Variants in CDC45 observed in about 807,000 individuals in gnomAD.
The protein encoded by CDC45 is cell division control protein 45 homolog.
A neutral mutation model predicts 77.8 loss-of-function variants in CDC45; 54 were observed. That is an observed-to-expected ratio of 0.69 (90% confidence interval 0.56 to 0.87). The LOEUF (loss-of-function observed/expected upper bound fraction) is 0.87. Ranked by LOEUF, CDC45 falls within the 40% of genes least tolerant of loss-of-function variation. The pLI, the probability that CDC45 is intolerant of heterozygous loss-of-function variation, is 0.00. For missense variants in CDC45, 649 were observed against 721.6 expected, an observed-to-expected ratio of 0.90 and a Z score of 1.15; for synonymous variants, 260 against 272.1, an observed-to-expected ratio of 0.96 and a Z score of 0.44.
At chr22:19,512,395 C>G (rs998416229) in intron 13 of CDC45, among the ~76,000 whole-genome samples, 2 of 152,224 alleles carry the variant, frequency 1.3e-5, no homozygotes, top group Non-Finnish European at 2.9e-5. Context: ...GTATACCTGT[C>G]TGGCTGTTCA....
At chr22:19,512,508 T>G (rs915976826) in intron 13 of CDC45, among the ~76,000 whole-genome samples, 22 of 152,174 alleles carry the variant, frequency 1.4e-4, no homozygotes, top group Non-Finnish European at 2.6e-4. Context: ...GCAATCTAGT[T>G]GCTCTACTTT....
chr22:19,499,763 A>G (rs975872196), intron 9 of CDC45, among the ~76,000 whole-genome samples: 2 of 152,254 alleles, frequency 1.3e-5, no homozygotes, highest in South Asian at 4.1e-4. Context: ...AAGTGGCCCA[A>G]CCTTCTCTAG....
intron 5 of CDC45, among the ~76,000 whole-genome samples, chr22:19,485,917 A>C (rs1348751671): frequency 6.6e-6 from 1 of 152,260 alleles, no homozygotes; most frequent in Non-Finnish European, 1.5e-5. Context: ...TCTCAAAAAA[A>C]ACAAAAACAG....
At chr22:19,492,502 A>G (rs1428436728) in intron 5 of CDC45, among the ~76,000 whole-genome samples, 1 of 151,436 alleles carries the variant, frequency 6.6e-6, no homozygotes, top group African/African-American at 2.4e-5. Context: ...CCCGGCTTTC[A>G]TTTGTTTCAA....
In CDC45 at chr22:19,503,871, C is replaced by T. The variant is rs368630443; in HGVS notation, c.705-1491C>T. 8.7e-4 allele frequency among the ~76,000 whole-genome samples: 132 copies of T among 152,328 alleles called. 2 individuals carry two copies. In the South Asian group the frequency reaches 0.027, roughly 31 times the overall value. ...AGAGGAGAAAAGGGTGCTGGTTGCA[C>T]GGAGAAAACTTACCTAAGATGCCTT... On this transcript the variant is annotated intron_variant, in intron 9 of 18. Coordinates refer to ENST00000263201, the MANE Select transcript of CDC45 (RefSeq NM_003504.5).
rs1268100672 is a variant in CDC45 at position 19,514,733 on chromosome 22, G to C, written c.1218-16G>C. On this transcript the variant is annotated splice_polypyrimidine_tract_variant and intron_variant, in intron 13 of 18. Coordinates refer to ENST00000263201, the MANE Select transcript of CDC45 (RefSeq NM_003504.5). ...CTGACAAGCACCACCAAAGCCATGTGTCTGCCCTGTTACAGGAGTAACCTG... is the reference window on the plus strand; with the variant it reads ...CTGACAAGCACCACCAAAGCCATGTCTCTGCCCTGTTACAGGAGTAACCTG... The C allele has an allele frequency of 6.3e-7, 1 of 1,590,624 alleles. No homozygotes were observed. The highest frequency in any genetic ancestry group is 1.7e-5 in the Admixed American group (1 of 57,384).
At chr22:19,486,341 C>T (rs2146342143) in intron 5 of CDC45, among the ~76,000 whole-genome samples, 1 of 152,324 alleles carries the variant, frequency 6.6e-6, no homozygotes, top group East Asian at 1.9e-4. Context: ...TTTAATTGTC[C>T]TCAAAATATA....
chr22:19,518,681 G>A (rs1281675642), intron 17 of CDC45, among the ~76,000 whole-genome samples, 163 bp from the exon 18 acceptor site: 6 of 152,174 alleles, frequency 3.9e-5, no homozygotes, highest in Non-Finnish European at 8.8e-5. Flanking sequence ...TGAAGATGAA[G>A]TACAGTGAGA....
chr22:19,499,225 T>A lies in CDC45; in HGVS notation c.704+74T>A. 2 of 1,517,858 alleles carry A rather than the reference T, an allele frequency of 1.3e-6. 1 individual carries two copies. The highest frequency in any genetic ancestry group is 3.4e-4 in the Middle Eastern group (2 of 5,892). The allele number at this position is 1,517,858 out of a possible 1,614,324, so 94.0% of individuals were successfully genotyped here. ...AGGTGCACAGCCTGACCATAGCCACTAAGTTTTTAGCAGGGTCCCTGTAGG... is the reference window on the plus strand; with the variant it reads ...AGGTGCACAGCCTGACCATAGCCACAAAGTTTTTAGCAGGGTCCCTGTAGG... On this transcript the variant is annotated intron_variant, in intron 9 of 18. Coordinates refer to ENST00000263201, the MANE Select transcript of CDC45 (RefSeq NM_003504.5).
At chr22:19,489,178 A>G (rs1304407909) in intron 5 of CDC45, among the ~76,000 whole-genome samples, 1 of 152,240 alleles carries the variant, frequency 6.6e-6, no homozygotes, top group East Asian at 1.9e-4. Flanking sequence ...TCTAAAGAAA[A>G]GAAAGTCTCC....
rs1601920000 is a variant in CDC45, at chr22:19,482,948, A to G, written c.342+121A>G. The G allele has an allele frequency of 4.8e-6, 4 of 837,828 alleles. No individual in the cohort carries two copies. The East Asian group carries it at 9.9e-5, about 21-fold the overall frequency. 51.9% of individuals were successfully genotyped at this position (837,828 alleles called of 1,614,324 possible). A position where few individuals can be genotyped will look rare whatever the true frequency, so the allele number is the denominator to read the frequency against. On this transcript the variant is annotated intron_variant, in intron 4 of 18. Transcript: ENST00000263201. ...CTGTGGGACTGGGAACAGCCTGAAC[A>G]CAAGAACTTGGTCTTTGTCATCTTT...
Position 19,496,951 on chromosome 22 carries a change from T to C in CDC45, c.592-435T>C, listed in dbSNP as rs975414496. 5.3e-5 allele frequency among the ~76,000 whole-genome samples: 8 copies of C among 152,202 alleles called. No homozygotes were observed. In the South Asian group the frequency reaches 1.7e-3, roughly 32 times the overall value. ...CTGCCTCACCTGGCCTTCCTGGGAA[T>C]GTGTTTGAGGACGCCAGCCAAGCAG... On this transcript the variant is annotated intron_variant, in intron 7 of 18. Transcript: ENST00000263201.
chr22:19,505,269 A>G, intron 9 of CDC45, 93 bp from the exon 10 acceptor site: 1 of 1,480,046 alleles, frequency 6.8e-7, no homozygotes, highest in Middle Eastern at 1.8e-4. Context: ...CAGGCCCCTG[A>G]GGAAGGCCTT....
chr22:19,482,660 G>A, intron 3 of CDC45, 30 bp from the exon 4 acceptor site: 1 of 1,608,860 alleles, frequency 6.2e-7, no homozygotes, highest in Non-Finnish European at 8.5e-7. Context: ...CCTCGATATA[G>A]CTACTTTACA....
chr22:19,499,430 G>A (rs1371306771), intron 9 of CDC45, among the ~76,000 whole-genome samples: 3 of 152,120 alleles, frequency 2.0e-5, no homozygotes, highest in Admixed American at 6.5e-5. Context: ...CTACCAGCAG[G>A]GCCAGGCTTA....
rs2090056868 is a variant in CDC45 at position 19,485,749 on chromosome 22, G to T, written c.486+1744G>T. ...TGAAATTTTTTGAAATGTATACAGT[G>T]GTTGAAAGGATAGTACAGTGAATAT... On this transcript the variant is annotated intron_variant, in intron 5 of 18. Coordinates refer to ENST00000263201, the MANE Select transcript of CDC45 (RefSeq NM_003504.5). Among the ~76,000 whole-genome samples the T allele has an allele frequency of 2.0e-5, 3 of 152,256 alleles. No individual in the cohort carries two copies. In the South Asian group the frequency reaches 6.2e-4, roughly 32 times the overall value.
At chr22:19,489,589 A>G (rs1420022523) in intron 5 of CDC45, among the ~76,000 whole-genome samples, 2 of 152,178 alleles carry the variant, frequency 1.3e-5, no homozygotes, top group African/African-American at 2.4e-5. Flanking sequence ...TTTCTCGTCC[A>G]TCAGCATTGT....
chr22:19,482,713 C>G lies in CDC45; in HGVS notation c.228C>G (p.Asn76Lys). 1 of 1,612,954 alleles carries G rather than the reference C, an allele frequency of 6.2e-7. No homozygotes were observed. The highest frequency in any genetic ancestry group is 1.1e-5 in the South Asian group (1 of 91,062). ...AGTTTCATTATTTTATTCTCATAAA[C>G]TGTGGAGCTAATGTAGACCTATTGG... ...KEQFHYFILI[N>K]CGANVDLLDI... Residue 76 changes from asparagine to lysine, a missense_variant, in exon 4 of 19, where the codon AAC becomes AAG. Physicochemically the swap from Asn to Lys is moderately conservative, Grantham distance 94 (BLOSUM62 0). Coordinates refer to ENST00000263201, the MANE Select transcript of CDC45 (RefSeq NM_003504.5).
intron 9 of CDC45, among the ~76,000 whole-genome samples, chr22:19,501,148 C>T (rs552029764): frequency 6.6e-6 from 1 of 152,172 alleles, no homozygotes; most frequent in South Asian, 2.1e-4. Context: ...CCACTGCACT[C>T]CAGTTTGGGC....
Sources: allele counts gnomAD v4.1 joint callset (sites outside exome capture counted in the v4.1 genomes callset), GRCh38; gene constraint gnomAD v4.1.1; transcripts MANE v1.5; gene names NCBI Gene and HGNC (gene_info 2026-07-23, HGNC 2026-07-21).